Variants in SNTG1 observed in about 807,000 individuals in gnomAD.
SNTG1 encodes the protein gamma-1-syntrophin.
SNTG1 carries 39 observed loss-of-function variants against 74.7 expected under a neutral mutation model. The ratio of observed to expected loss-of-function variants is 0.52; its 90% confidence interval spans 0.40 to 0.68. The LOEUF is 0.68. Ranked by LOEUF, SNTG1 falls within the 30% of genes least tolerant of loss-of-function variation. SNTG1 has a pLI of 0.00. For missense variants in SNTG1, 685 were observed against 609.5 expected, an observed-to-expected ratio of 1.12 and a Z score of -1.30; for synonymous variants, 254 against 217.1, an observed-to-expected ratio of 1.17 and a Z score of -1.49.
At chr8:50,293,669 CA>C (rs1324138628) in intron 2 of SNTG1, among the ~76,000 whole-genome samples, 1 of 152,098 alleles carries the variant, frequency 6.6e-6, no homozygotes, top group African/African-American at 2.4e-5. Context: ...CTCGGCCTCC[CA>C]AAGTGCTGGG....
Position 50,034,920 on chromosome 8 carries a change from A to C in SNTG1, c.-103+122689A>C, listed in dbSNP as rs1818019783. Among the ~76,000 whole-genome samples the C allele has an allele frequency of 3.3e-5, 5 of 152,242 alleles. 1 individual carries two copies. The South Asian group carries it at 1.0e-3, about 32-fold the overall frequency. On this transcript the variant is annotated intron_variant, in intron 1 of 18. Transcript: ENST00000642720. ...GATTGTCATGATGCAGATTGAGACC[A>C]ATTACCCACCAGTGCCTAGCACTCC...
At chr8:50,327,452 C>T (rs2090793477) in intron 2 of SNTG1, among the ~76,000 whole-genome samples, 2 of 152,190 alleles carry the variant, frequency 1.3e-5, no homozygotes, top group South Asian at 4.1e-4. Flanking sequence ...TTTTAGTCTG[C>T]TGTCTCTGAA....
chr8:50,651,647 G>A (rs1483336416), intron 13 of SNTG1, among the ~76,000 whole-genome samples: 1 of 151,670 alleles, frequency 6.6e-6, no homozygotes, highest in Non-Finnish European at 1.5e-5. Flanking sequence ...AGTAGAGACG[G>A]GATTTCTCCA....
In SNTG1 at chr8:50,586,345, ATCTG is replaced by A. The variant is rs560512927; in HGVS notation, c.811-4529_811-4526del. The stretch of plus-strand genomic sequence containing the variant: ...GGATCTAGATATTTGATAATTAATG[ATCTG>A]TCTGAGGATATTTAGTAATAATTAC... On this transcript the variant is annotated intron_variant, in intron 12 of 18. Coordinates refer to ENST00000642720, the MANE Select transcript of SNTG1 (RefSeq NM_018967.5). Among the ~76,000 whole-genome samples, 18 of 152,324 alleles carry A rather than the reference ATCTG, an allele frequency of 1.2e-4. No individual in the cohort carries two copies. In the South Asian group the frequency reaches 3.5e-3, roughly 30 times the overall value.
chr8:50,562,402 A>T (rs994326388), intron 12 of SNTG1, among the ~76,000 whole-genome samples: 1 of 152,222 alleles, frequency 6.6e-6, no homozygotes. Flanking sequence ...GCAGTGAAAG[A>T]GGAACTGAAC....
chr8:50,350,861 A>G lies in SNTG1; in HGVS notation c.-27-43351A>G, dbSNP rs10094257. Among the ~76,000 whole-genome samples the G allele has an allele frequency of 6.0e-3, 913 of 152,314 alleles. 7 individuals are homozygous for G. Among genetic ancestry groups the G allele is most frequent in the African/African-American group, 0.021 (853 of 41,574 alleles). On this transcript the variant is annotated intron_variant, in intron 2 of 18. Coordinates refer to ENST00000642720, the MANE Select transcript of SNTG1 (RefSeq NM_018967.5). ...AATCAGCTCTCTGTAAAATGGACCA[A>G]TCAGCAGGATGTGGGTGGGGCCAGA... is the stretch of plus-strand genomic sequence containing the variant.
chr8:50,164,424 C>G (rs559993183), intron 1 of SNTG1: 1 of 152,220 alleles, frequency 6.6e-6, no homozygotes, highest in South Asian at 2.1e-4. Context: ...TTTACTGGTA[C>G]TTATTCATTT....
At chr8:50,274,429 T>A (rs1377218989) in intron 2 of SNTG1, among the ~76,000 whole-genome samples, 1 of 151,684 alleles carries the variant, frequency 6.6e-6, no homozygotes, top group African/African-American at 2.4e-5. Flanking sequence ...TAATTACTTA[T>A]AAGAGTATTT....
chr8:50,100,117 T>C (rs994627691), intron 1 of SNTG1, among the ~76,000 whole-genome samples: 4 of 152,016 alleles, frequency 2.6e-5, no homozygotes, highest in African/African-American at 9.7e-5. Flanking sequence ...CGAGACAACA[T>C]GGATGAGCTG....
intron 1 of SNTG1, among the ~76,000 whole-genome samples, chr8:50,079,299 C>T (rs1011685041): frequency 1.3e-5 from 2 of 152,264 alleles, no homozygotes; most frequent in South Asian, 2.1e-4. Flanking sequence ...TTGCATTTCT[C>T]TAATGACCAG....
intron 1 of SNTG1, among the ~76,000 whole-genome samples, chr8:50,106,307 C>T (rs1400632667): frequency 6.6e-6 from 1 of 152,072 alleles, no homozygotes; most frequent in East Asian, 1.9e-4. Flanking sequence ...AGAACTCACT[C>T]ACTATCATGA....
At chr8:50,765,731 A>G (rs780294052) in intron 18 of SNTG1, among the ~76,000 whole-genome samples, 3 of 152,056 alleles carry the variant, frequency 2.0e-5, no homozygotes, top group Admixed American at 6.6e-5. Context: ...GACAAAAAAT[A>G]TTTTTAAAGT....
chr8:50,304,799 C>G (rs7817761), intron 2 of SNTG1, among the ~76,000 whole-genome samples: 1 of 152,070 alleles, frequency 6.6e-6, no homozygotes, highest in Non-Finnish European at 1.5e-5. Context: ...TTTGTGTGAC[C>G]ACTATTTCTT....
At chr8:49,944,942 A>C (rs565128339) in intron 1 of SNTG1, among the ~76,000 whole-genome samples, 2 of 151,858 alleles carry the variant, frequency 1.3e-5, no homozygotes, top group African/African-American at 4.8e-5. Flanking sequence ...CGCCCACCAC[A>C]ATGCCTGGCT....
At chr8:50,001,466 G>C (rs956375168) in intron 1 of SNTG1, among the ~76,000 whole-genome samples, 3 of 152,136 alleles carry the variant, frequency 2.0e-5, no homozygotes, top group African/African-American at 7.2e-5. Flanking sequence ...GTGAGGCCTT[G>C]TCAAAAGAGG....
intron 1 of SNTG1, among the ~76,000 whole-genome samples, chr8:50,008,008 A>G (rs970157892): frequency 2.6e-5 from 4 of 152,086 alleles, no homozygotes; most frequent in African/African-American, 4.8e-5. Context: ...TGAGAGCGGC[A>G]TGGGGGATAC....
intron 9 of SNTG1, among the ~76,000 whole-genome samples, chr8:50,527,245 T>G (rs1321867137): frequency 1.3e-5 from 2 of 152,138 alleles, no homozygotes; most frequent in African/African-American, 2.4e-5. Flanking sequence ...TATATAAGCC[T>G]TTTGCCAGTG....
At chr8:50,196,995 A>G (rs2083796465) in intron 2 of SNTG1, among the ~76,000 whole-genome samples, 1 of 152,054 alleles carries the variant, frequency 6.6e-6, no homozygotes, top group Non-Finnish European at 1.5e-5. Context: ...ATAAAGAAAG[A>G]AAGAAAAATT....
chr8:50,093,249 A>G (rs2079805722), intron 1 of SNTG1, among the ~76,000 whole-genome samples: 1 of 152,198 alleles, frequency 6.6e-6, no homozygotes, highest in Non-Finnish European at 1.5e-5. Context: ...AGTTTAATAT[A>G]AGGCCTGGGA....
Sources: allele counts gnomAD v4.1 joint callset (sites outside exome capture counted in the v4.1 genomes callset), GRCh38; gene constraint gnomAD v4.1.1; transcripts MANE v1.5; gene names NCBI Gene and HGNC (gene_info 2026-07-23, HGNC 2026-07-21).